The following XKR9 variants were observed in gnomAD, a reference collection of about 807,000 sequenced individuals.
XKR9 encodes XK-related protein 9.
Under a neutral mutation model 32.0 loss-of-function variants are expected in XKR9, and 32 were observed. That is an observed-to-expected ratio of 1.00 (90% CI 0.76 to 1.34). XKR9 has a LOEUF of 1.34. XKR9 is among the 40% of genes most tolerant of loss of function. The pLI is 0.00. For missense variants in XKR9, 546 were observed against 429.7 expected, an observed-to-expected ratio of 1.27 and a Z score of -2.39; for synonymous variants, 168 against 143.4, an observed-to-expected ratio of 1.17 and a Z score of -1.22.
At chr8:70,882,782 TAG>T in the XKR9 span, among the ~76,000 whole-genome samples, 1 of 152,004 alleles carries the variant, frequency 6.6e-6, no homozygotes. Context: ...TTAATAAACA[TAG>T]ACAGTTTACA....
the XKR9 span, among the ~76,000 whole-genome samples, chr8:70,874,477 T>C: frequency 6.6e-6 from 1 of 152,194 alleles, no homozygotes; most frequent in Non-Finnish European, 1.5e-5. Context: ...TTATGGTGCT[T>C]GCTAGAGACT....
At chr8:70,673,907 C>A (rs1818799559) in intron 1 of XKR9, among the ~76,000 whole-genome samples, 1 of 152,186 alleles carries the variant, frequency 6.6e-6, no homozygotes, top group Non-Finnish European at 1.5e-5. Flanking sequence ...TATCTACTTA[C>A]AACATGCAAG....
At chr8:70,900,574 G>C in the XKR9 span, among the ~76,000 whole-genome samples, 1 of 151,924 alleles carries the variant, frequency 6.6e-6, no homozygotes, top group Non-Finnish European at 1.5e-5. Context: ...GGGCAAAAGA[G>C]TGAGACTCTG....
rs555893014 is a variant in XKR9, at chr8:70,769,759, A to C, written n.353-19580A>C. ...CTTGATACTTGTGTGTGCTTCACAAAGTTCTCATGCTGTGTTTTTCAGCTT... is the reference window on the plus strand; with the variant it reads ...CTTGATACTTGTGTGTGCTTCACAACGTTCTCATGCTGTGTTTTTCAGCTT... On this transcript the variant is annotated intron_variant and non_coding_transcript_variant, in intron 2 of 3. Transcript: ENST00000520273. 1.0e-3 allele frequency among the ~76,000 whole-genome samples: 158 copies of C among 151,822 alleles called. 2 individuals carry two copies. The highest frequency in any genetic ancestry group is 3.6e-3 in the African/African-American group (147 of 41,380).
chr8:70,805,100 A>T, the XKR9 span, among the ~76,000 whole-genome samples: 1 of 152,294 alleles, frequency 6.6e-6, no homozygotes, highest in African/African-American at 2.4e-5. Flanking sequence ...TCTTATCAGA[A>T]CTGACTAGGA....
At chr8:70,679,416 C>T (rs151053976) in intron 2 of XKR9, among the ~76,000 whole-genome samples, 216 of 152,214 alleles carry the variant, frequency 1.4e-3, no homozygotes, top group African/African-American at 5.0e-3. Context: ...AAGGTATATA[C>T]CATTATTCTC....
At chr8:71,048,183 A>G in the XKR9 span, among the ~76,000 whole-genome samples, 1 of 152,226 alleles carries the variant, frequency 6.6e-6, no homozygotes, top group Non-Finnish European at 1.5e-5. Flanking sequence ...TAAAACTGCT[A>G]TGTAAAAGGC....
At chr8:70,792,622 C>G (rs1393004784), downstream of XKR9, among the ~76,000 whole-genome samples, 1 of 152,056 alleles carries the variant, frequency 6.6e-6, no homozygotes, top group Non-Finnish European at 1.5e-5. Context: ...TTTAAGGAGC[C>G]TGACAAGGCT....
At chr8:70,941,169 T>C in the XKR9 span, among the ~76,000 whole-genome samples, 1 of 151,974 alleles carries the variant, frequency 6.6e-6, no homozygotes. Context: ...TTCTGTCTTT[T>C]GGGATTTACA....
At chr8:70,981,069 G>A in the XKR9 span, among the ~76,000 whole-genome samples, 1 of 152,116 alleles carries the variant, frequency 6.6e-6, no homozygotes, top group South Asian at 2.1e-4. Context: ...CAGCTCTTAA[G>A]ATTTTTTCCT....
chr8:70,764,426 C>T (rs1563472820), intron 2 of XKR9, among the ~76,000 whole-genome samples: 1 of 152,064 alleles, frequency 6.6e-6, no homozygotes, highest in Non-Finnish European at 1.5e-5. Flanking sequence ...TTGCTGCTTT[C>T]TCTCTCTCTG....
At chr8:70,881,363 C>T in the XKR9 span, among the ~76,000 whole-genome samples, 1 of 152,126 alleles carries the variant, frequency 6.6e-6, no homozygotes, top group Admixed American at 6.6e-5. Flanking sequence ...TTTTTCCAAT[C>T]TACCCATCTG....
chr8:70,687,922 A>G (rs531911952), intron 3 of XKR9, among the ~76,000 whole-genome samples: 2 of 152,270 alleles, frequency 1.3e-5, no homozygotes, highest in Non-Finnish European at 2.9e-5. Context: ...GTGTTTCTGC[A>G]GTTGTTCTGG....
At chr8:70,723,671 G>A (rs1806357952) in intron 4 of XKR9, among the ~76,000 whole-genome samples, 1 of 152,134 alleles carries the variant, frequency 6.6e-6, no homozygotes, top group African/African-American at 2.4e-5. Flanking sequence ...ATTGCTGCCT[G>A]CTCCTTCCTC....
chr8:70,715,496 A>G (rs1021471372), intron 4 of XKR9, among the ~76,000 whole-genome samples: 3 of 152,168 alleles, frequency 2.0e-5, no homozygotes, highest in Non-Finnish European at 4.4e-5. Context: ...TCGTATTGAT[A>G]TATTAATCTT....
chr8:71,032,045 A>G, the XKR9 span, among the ~76,000 whole-genome samples: 86,386 of 151,990 alleles, frequency 0.57, 25,636 homozygotes, highest in African/African-American at 0.64. Flanking sequence ...CTGTAATCCC[A>G]CACTTTGGCA....
the XKR9 span, among the ~76,000 whole-genome samples, chr8:70,881,315 G>A: frequency 6.6e-6 from 1 of 151,964 alleles, no homozygotes; most frequent in Non-Finnish European, 1.5e-5. Flanking sequence ...AAGAAACTAT[G>A]ATCAGAGTAA....
At chr8:70,700,597 G>C (rs1322165330) in intron 3 of XKR9, among the ~76,000 whole-genome samples, 1 of 152,178 alleles carries the variant, frequency 6.6e-6, no homozygotes, top group African/African-American at 2.4e-5. Flanking sequence ...CCCCTACTGG[G>C]GGTTGCCTCC....
At chr8:70,757,221 CCTT>C (rs1807239579) in intron 2 of XKR9, among the ~76,000 whole-genome samples, 1 of 152,084 alleles carries the variant, frequency 6.6e-6, no homozygotes, top group South Asian at 2.1e-4. Context: ...TTTCTCCTCT[CCTT>C]CTGATACTCC....
Sources: gnomAD v4.1 joint callset for allele counts (sites outside exome capture counted in the v4.1 genomes callset) on GRCh38, gnomAD v4.1.1 for gene constraint, MANE v1.5 for transcripts, NCBI Gene and HGNC (gene_info 2026-07-23, HGNC 2026-07-21) for gene names.